WASHC3: variants seen among roughly 807,000 people sequenced by gnomAD.
WASHC3 encodes WASH complex subunit 3.
WASHC3 carries 24 observed loss-of-function variants against 26.1 expected under a neutral mutation model. The observed-to-expected ratio is 0.92, with a 90% confidence interval of 0.66 to 1.29. The LOEUF is 1.29. Among genes scored for constraint, WASHC3 ranks in the 50% most tolerant of loss-of-function variants. The probability of loss-of-function intolerance (pLI) is 0.00; values close to 1 mark genes in which losing one functional copy is unlikely to be tolerated. For synonymous variants in WASHC3, 77 were observed against 75.7 expected (o/e 1.02, Z -0.09); for missense variants, 214 against 229.6 (o/e 0.93, Z 0.44).
At chr12:102,062,024 A>C (rs760107171), upstream of WASHC3, 14 of 1,424,176 alleles carry the variant, frequency 9.8e-6, no homozygotes, top group Non-Finnish European at 1.4e-5. Flanking sequence ...GGGCCCGCCC[A>C]ACCCGGTAAT....
At chr12:102,050,929 T>G (rs1878371553) in intron 2 of WASHC3, among the ~76,000 whole-genome samples, 1 of 152,238 alleles carries the variant, frequency 6.6e-6, no homozygotes, top group African/African-American at 2.4e-5. Flanking sequence ...ACCTCTGTAA[T>G]GTGGGTCTGA....
chr12:102,036,521 G>A (rs1877669247), intron 5 of WASHC3, among the ~76,000 whole-genome samples: 1 of 152,142 alleles, frequency 6.6e-6, no homozygotes, highest in South Asian at 2.1e-4. Context: ...GCAGTTTGAT[G>A]TAGCTCCCCA....
At chr12:102,059,302 A>C (rs1878714629) in intron 2 of WASHC3, among the ~76,000 whole-genome samples, 1 of 152,242 alleles carries the variant, frequency 6.6e-6, no homozygotes. Context: ...GTTGTACATC[A>C]TAAAAATACA....
At chr12:102,055,259 G>A (rs1392779331) in intron 2 of WASHC3, among the ~76,000 whole-genome samples, 1 of 152,214 alleles carries the variant, frequency 6.6e-6, no homozygotes, top group Non-Finnish European at 1.5e-5. Context: ...CAGCCACAGA[G>A]CTCAATGCAG....
At position 102,044,098 on chromosome 12, in the gene WASHC3, CACTT is replaced by C. The variant is rs778173624; in HGVS notation, c.324+3_324+6del. ...GAACATCTGCTCGTTTCTTAGAACTCACTTACCTGTGGTTGCTCTGAAGTGGCTT... is the reference window on the plus strand; with the variant it reads ...GAACATCTGCTCGTTTCTTAGAACTCACCTGTGGTTGCTCTGAAGTGGCTT... On this transcript the variant is annotated splice_donor_5th_base_variant and intron_variant, in intron 4 of 6. Coordinates refer to ENST00000240079, the MANE Select transcript of WASHC3 (RefSeq NM_016053.4). The C allele has an allele frequency of 3.1e-5, 47 of 1,511,876 alleles. 1 individual carries two copies. The highest frequency in any genetic ancestry group is 3.4e-4 in the Middle Eastern group (2 of 5,900). The allele number at this position is 1,511,876 out of a possible 1,614,324, so 93.7% of individuals were successfully genotyped here.
chr12:102,027,219 A>G (rs1877234337), intron 5 of WASHC3, among the ~76,000 whole-genome samples: 1 of 152,188 alleles, frequency 6.6e-6, no homozygotes, highest in Non-Finnish European at 1.5e-5. Context: ...TTTGAAATAT[A>G]CATCTTGAAG....
chr12:102,018,752 G>A (rs941625733), intron 6 of WASHC3, among the ~76,000 whole-genome samples: 10 of 152,098 alleles, frequency 6.6e-5, no homozygotes, highest in Non-Finnish European at 1.3e-4. Flanking sequence ...TTACAGGCAC[G>A]AGCCACTGCA....
chr12:102,022,036 G>A (rs543879757), intron 6 of WASHC3, among the ~76,000 whole-genome samples: 23 of 152,232 alleles, frequency 1.5e-4, no homozygotes, highest in Admixed American at 7.2e-4. Flanking sequence ...TCTGTTCAAA[G>A]TCTGCAGAGT....
At chr12:102,048,951 T>C (rs1199142318) in intron 2 of WASHC3, among the ~76,000 whole-genome samples, 2 of 152,208 alleles carry the variant, frequency 1.3e-5, no homozygotes, top group Non-Finnish European at 2.9e-5. Context: ...TAATTATTGG[T>C]ATAACATACC....
intron 6 of WASHC3, among the ~76,000 whole-genome samples, chr12:102,024,000 A>C (rs1486474889): frequency 1.3e-5 from 2 of 152,098 alleles, no homozygotes; most frequent in African/African-American, 4.8e-5. Context: ...TACCTGATGG[A>C]GTCTTAAAGA....
chr12:102,021,403 TA>T (rs1370098897), intron 6 of WASHC3, among the ~76,000 whole-genome samples: 9 of 152,202 alleles, frequency 5.9e-5, no homozygotes, highest in Non-Finnish European at 1.3e-4. Flanking sequence ...TGGGATCCTT[TA>T]TTTCCCAGCA....
chr12:102,050,130 T>C (rs776397294), intron 2 of WASHC3: 22 of 317,174 alleles, frequency 6.9e-5, no homozygotes, highest in Non-Finnish European at 1.2e-4. Context: ...TTGGGCAACA[T>C]AGGGAAACCC....
chr12:102,013,298 C>T, intron 6 of WASHC3, 106 bp from the exon 7 acceptor site: 2 of 637,308 alleles, frequency 3.1e-6, no homozygotes, highest in South Asian at 1.8e-5. Context: ...AATAAATCTG[C>T]CAAGTCCGTG....
At chr12:102,014,369 T>G (rs17436984) in intron 6 of WASHC3, among the ~76,000 whole-genome samples, 23,055 of 151,956 alleles carry the variant, frequency 0.15, 1,845 homozygotes, top group Non-Finnish European at 0.18. Flanking sequence ...GTGCCTGGCC[T>G]ATAACTGCTG....
Position 102,025,358 on chromosome 12 carries a change from T to G in WASHC3, c.500+616A>C, listed in dbSNP as rs952555005. On this transcript the variant is annotated intron_variant, in intron 6 of 6. Transcript: ENST00000240079. ...ATGAAATAAACTGTTGTCAAATTTC[T>G]GAGCCACAATTTTTTTTTATCATTT... 1.2e-4 allele frequency among the ~76,000 whole-genome samples: 18 copies of G among 152,250 alleles called. 1 individual carries two copies. In the South Asian group the frequency reaches 3.5e-3, roughly 30 times the overall value.
chr12:102,015,069 G>A (rs1453955683), intron 6 of WASHC3, among the ~76,000 whole-genome samples: 1 of 152,166 alleles, frequency 6.6e-6, no homozygotes, highest in Non-Finnish European at 1.5e-5. Flanking sequence ...TTGGGAGGCC[G>A]AAGAGGGCGT....
intron 5 of WASHC3, among the ~76,000 whole-genome samples, chr12:102,033,496 T>C (rs1406635719): frequency 1.3e-5 from 2 of 152,128 alleles, no homozygotes; most frequent in Non-Finnish European, 2.9e-5. Context: ...CTCAGTATAA[T>C]TGTAATAGAG....
intron 5 of WASHC3, among the ~76,000 whole-genome samples, chr12:102,038,812 A>C (rs1170580057): frequency 1.3e-5 from 2 of 152,176 alleles, no homozygotes; most frequent in Non-Finnish European, 2.9e-5. Flanking sequence ...CAAATGAGCC[A>C]ATCTACTCTT....
At chr12:102,021,617 A>G (rs531049743) in intron 6 of WASHC3, among the ~76,000 whole-genome samples, 2 of 152,232 alleles carry the variant, frequency 1.3e-5, no homozygotes, top group African/African-American at 4.8e-5. Flanking sequence ...TGGTAATTAC[A>G]TTAAATGGAG....
Sources: allele counts gnomAD v4.1 joint callset (sites outside exome capture counted in the v4.1 genomes callset), GRCh38; gene constraint gnomAD v4.1.1; transcripts MANE v1.5; gene names NCBI Gene and HGNC (gene_info 2026-07-23, HGNC 2026-07-21).